Variants in HR observed in about 807,000 individuals in gnomAD.
The protein encoded by HR is lysine-specific demethylase hairless.
Under a neutral mutation model 128.6 loss-of-function variants are expected in HR, and 83 were observed. The observed-to-expected ratio is 0.65, with a 90% confidence interval of 0.54 to 0.77. HR has a LOEUF of 0.77. Ranked by LOEUF, HR falls within the 30% of genes least tolerant of loss-of-function variation. The pLI is 0.00. For synonymous variants in HR, 681 were observed against 658.2 expected, an observed-to-expected ratio of 1.03 and a Z score of -0.53; for missense variants, 1,490 against 1,574.6, an observed-to-expected ratio of 0.95 and a Z score of 0.91.
intron 6 of HR, 32 bp downstream of exon 6, chr8:22,123,617 T>TCTCCCCCCC: frequency 2.1e-5 from 6 of 292,092 alleles, no homozygotes; most frequent in Non-Finnish European, 3.1e-5. Context: ...GAGGGCTCCA[T>TCTCCCCCCC]CCCGCCCTCC....
Position 22,116,830 on chromosome 8 carries a change from T to C in HR, c.3378+45A>G. On this transcript the variant is annotated intron_variant, in intron 17 of 18. Coordinates refer to ENST00000381418, the MANE Select transcript of HR (RefSeq NM_005144.5). This position sits in a 1 kb window ranked among gnomAD's most constrained non-coding sequence, Gnocchi z 4.2. Reference sequence around the variant, plus strand: ...CCTGCGGCCTTGATTGGGTCGCTTCTGCCATCCTGATCTCCCCGCAGAGCC... The same window carrying C: ...CCTGCGGCCTTGATTGGGTCGCTTCCGCCATCCTGATCTCCCCGCAGAGCC... The C allele has an allele frequency of 6.5e-7, 1 of 1,549,926 alleles. No homozygotes were observed. Among genetic ancestry groups the C allele is most frequent in the South Asian group, 1.2e-5 (1 of 84,606 alleles).
intron 5 of HR, among the ~76,000 whole-genome samples, chr8:22,124,135 A>T (rs1291665519): frequency 1.3e-5 from 2 of 152,002 alleles, no homozygotes; most frequent in African/African-American, 4.8e-5. Context: ...AATCCACACC[A>T]CTTCTAGCAC....
chr8:22,123,194 C>T (rs1826799549), intron 6 of HR, among the ~76,000 whole-genome samples: 1 of 152,132 alleles, frequency 6.6e-6, no homozygotes, highest in Admixed American at 6.6e-5. Context: ...TCTCCCGTGG[C>T]CAACTTGAGC....
At chr8:22,126,948 A>G (rs1285903965) in intron 3 of HR, 89 bp downstream of exon 3, 1 of 1,353,200 alleles carries the variant, frequency 7.4e-7, no homozygotes, top group Non-Finnish European at 1.0e-6. Context: ...TGGTCCACTC[A>G]TAAAGCCTAC....
chr8:22,127,194 G>A lies in HR; in HGVS notation c.1248C>T (p.Ser416=). The part of the protein sequence containing the change: ...ARLRALKRAG[S]PEVQGAMGSP... ...TGCCCATTGCTCCCTGGACCTCGGGGCTGCCTGCCCTTTTGAGGGCCCGGA... is the reference window on the plus strand; with the variant it reads ...TGCCCATTGCTCCCTGGACCTCGGGACTGCCTGCCCTTTTGAGGGCCCGGA... The change falls in exon 3 of 19, where the codon AGC becomes AGT. Residue 416 remains serine, a synonymous_variant. Transcript: ENST00000381418. The A allele has an allele frequency of 1.2e-6, 2 of 1,612,936 alleles. No individual in the cohort carries two copies. Among genetic ancestry groups the A allele is most frequent in the African/African-American group, 1.3e-5 (1 of 75,074 alleles).
rs544001441 is a variant in HR, at chr8:22,121,673, G to A, written c.2143C>T (p.Pro715Ser). 8 of 1,614,142 alleles carry A rather than the reference G, an allele frequency of 5.0e-6. No homozygotes were observed. The African/African-American group carries it at 8.0e-5, about 16-fold the overall frequency. The change falls in exon 9 of 19, where the codon CCC becomes TCC. Residue 715 changes from proline (P) to serine (S), a missense_variant. Around this residue, in one of 3 missense-constraint regions of HR, gnomAD observed 1,060 missense variants for 1,060.9 expected, o/e 1.00. Coordinates refer to ENST00000381418, the MANE Select transcript of HR (RefSeq NM_005144.5). ...GQQKESTQKT[P>S]PTPQPSCNGD... is the part of the protein sequence containing the mutation. ...TTGCAGGAAGGTTGTGGAGTTGGGG[G>A]CGTTTTCTGTGTTGATTCCTTCTGT... is the stretch of plus-strand genomic sequence containing the variant.
intron 6 of HR, 57 bp from the exon 7 acceptor site, chr8:22,122,936 A>G (rs1238910544): frequency 1.4e-6 from 2 of 1,466,808 alleles, no homozygotes; most frequent in African/African-American, 2.8e-5. Flanking sequence ...TCACAGGTTA[A>G]GGTCAGAGAA....
chr8:22,116,491 T>A lies in HR; in HGVS notation c.3379-63A>T. On this transcript the variant is annotated intron_variant, in intron 17 of 18. Coordinates refer to ENST00000381418, the MANE Select transcript of HR (RefSeq NM_005144.5). This position sits in a 1 kb window ranked among gnomAD's most constrained non-coding sequence, Gnocchi z 4.2. ...ACACATCCTCTCCCTGTCCCCCTGGTCCCTGAGGTTCGCTTCCTCTAATGA... is the reference window on the plus strand; with the variant it reads ...ACACATCCTCTCCCTGTCCCCCTGGACCCTGAGGTTCGCTTCCTCTAATGA... The A allele has an allele frequency of 6.4e-7, 1 of 1,572,764 alleles. No individual in the cohort carries two copies. The highest frequency in any genetic ancestry group is 8.6e-7 in the Non-Finnish European group (1 of 1,159,086).
In HR at chr8:22,116,783, G is replaced by A. The variant is rs1405519562; in HGVS notation, c.3378+92C>T. 6 of 1,476,878 alleles carry A rather than the reference G, an allele frequency of 4.1e-6. No individual in the cohort carries two copies. The African/African-American group carries it at 8.4e-5, about 21-fold the overall frequency. The allele number at this position is 1,476,878 out of a possible 1,614,324, so 91.5% of individuals were successfully genotyped here. A position where few individuals can be genotyped will look rare whatever the true frequency, so the allele number is the denominator to read the frequency against. On this transcript the variant is annotated intron_variant, in intron 17 of 18. Coordinates refer to ENST00000381418, the MANE Select transcript of HR (RefSeq NM_005144.5). The surrounding 1 kb of genome is among the most constrained non-coding windows in gnomAD (Gnocchi z 4.2). ...GGCTCCCTGCCCTGCCCGGCTCTTGGGTATTGAGGGGATGTTGGATGCCTG... is the reference window on the plus strand; with the variant it reads ...GGCTCCCTGCCCTGCCCGGCTCTTGAGTATTGAGGGGATGTTGGATGCCTG...
chr8:22,115,727 G>A lies in HR; in HGVS notation c.3543C>T (p.Ala1181=), dbSNP rs372917956. The A allele has an allele frequency of 6.2e-6, 10 of 1,613,736 alleles. No individual in the cohort carries two copies. The highest frequency in any genetic ancestry group is 2.2e-5 in the East Asian group (1 of 44,864). The change falls in exon 19 of 19, where the codon GCC becomes GCT. Residue 1181 remains alanine, a synonymous_variant. Transcript: ENST00000381418. ...DWAVFQAVKV[A]VGTLQEAK ...ATTTGGCCTCCTGTAATGTCCCCAC[G>A]GCCACCTTCACTGCTTGGAACACAG... is the stretch of plus-strand genomic sequence containing the variant.
rs372139568 is a variant in HR, at chr8:22,127,810, G to A, written c.632C>T (p.Pro211Leu). ...LGSKGFYYKD[P>L]SIPRLAKEPL... ...CTCCTTTGCCAACCTGGGAATGCTC[G>A]GATCCTTGTAGTAAAAGCCCTAAAG... The change falls in exon 3 of 19, where the codon CCG becomes CTG. Residue 211 changes from proline to leucine, a missense_variant. Transcript: ENST00000381418. The A allele has an allele frequency of 9.4e-6, 15 of 1,598,732 alleles. No homozygotes were observed. Among genetic ancestry groups the A allele is most frequent in the South Asian group, 6.6e-5 (6 of 91,076 alleles).
At position 22,125,676 on chromosome 8, in the gene HR, G is replaced by A. The variant is rs1826871088; in HGVS notation, c.1462C>T (p.Leu488=). ...TGAGCCAGTTTTGCAGGGAGAGCCA[G>A]GCATGGTATGTCCTGAAGTCCCGGG... ...QDPGLQDIPC[L]ALPAKLAQCQ... The change falls in exon 4 of 19, where the codon CTG becomes TTG. Residue 488 remains leucine (L), a synonymous_variant. Transcript: ENST00000381418. 2 of 1,613,798 alleles carry A rather than the reference G, an allele frequency of 1.2e-6. No individual in the cohort carries two copies. The highest frequency in any genetic ancestry group is 2.7e-5 in the African/African-American group (2 of 74,940).
chr8:22,130,477 C>CAT lies in HR; in HGVS notation c.-91_-90insAT, dbSNP rs1827022487. ...CGCGGGCGGTGGCGGTCGTCGTGGC[C>CAT]GGCACCGGGCGCCTGCTCCCCATGG... On this transcript the variant is annotated 5_prime_UTR_variant, in exon 1 of 19. It adds an upstream start codon to the 5' untranslated region. Transcript: ENST00000381418. 6.6e-6 allele frequency: 1 copy of CAT among 152,176 alleles called. No homozygotes were observed. The allele number at this position is 152,176 out of a possible 1,614,324, so 9.4% of individuals were successfully genotyped here. A position where few individuals can be genotyped will look rare whatever the true frequency, so the allele number is the denominator to read the frequency against.
rs781087559 is a variant in HR at position 22,125,312 on chromosome 8, T to C, written c.1749A>G (p.Glu583=). The C allele has an allele frequency of 1.3e-6, 2 of 1,569,964 alleles. No individual in the cohort carries two copies. Among genetic ancestry groups the C allele is most frequent in the African/African-American group, 2.7e-5 (2 of 73,984 alleles). ...EREALAWAQR[E]GQGPAVTEDS... is the part of the protein sequence containing the mutation. ...GCAGACCCAGGAGGTCCTGTTCACC[T>C]TCCCGCTGGGCCCAAGCCAGGGCCT... Residue 583 remains glutamate, a splice_region_variant and synonymous_variant, in exon 5 of 19, where the codon GAA becomes GAG. Coordinates refer to ENST00000381418, the MANE Select transcript of HR (RefSeq NM_005144.5).
intron 7 of HR, 86 bp downstream of exon 7, chr8:22,122,704 G>T (rs1304616233): frequency 1.4e-6 from 2 of 1,479,836 alleles, no homozygotes; most frequent in Non-Finnish European, 1.8e-6. Flanking sequence ...GAAGGGCATG[G>T]CACTGGGGGG....
chr8:22,122,762 C>T, intron 7 of HR, 28 bp downstream of exon 7: 2 of 1,545,644 alleles, frequency 1.3e-6, no homozygotes, highest in Non-Finnish European at 1.7e-6. Context: ...CCAACCTCTG[C>T]ACGCCCCACC....
Position 22,119,964 on chromosome 8 carries a change from C to G in HR, c.2847-74G>C. ...GACCCCATCAAAGCCCCACCACCAC[C>G]GGGGTAACTCCCAGAGGGCAAACAT... On this transcript the variant is annotated intron_variant, in intron 13 of 18. Transcript: ENST00000381418. 2.5e-6 allele frequency: 4 copies of G among 1,607,164 alleles called. No homozygotes were observed. The South Asian group carries it at 4.4e-5, about 18-fold the overall frequency.
Position 22,116,950 on chromosome 8 carries a change from C to T in HR, c.3303G>A (p.Glu1101=), listed in dbSNP as rs995021838. 1.4e-5 allele frequency: 22 copies of T among 1,542,942 alleles called. No individual in the cohort carries two copies. Among genetic ancestry groups the T allele is most frequent in the Non-Finnish European group, 1.9e-5 (22 of 1,149,732 alleles). ...DAGLRRRLRE[E]WGVSCWTLLQ... is the part of the protein sequence containing the mutation. ...GCAGGGTCCAGCAGCTCACGCCCCA[C>T]TCCTCCCGCAGGCGCCGCCGCAGCC... Residue 1101 remains glutamate, a synonymous_variant, in exon 17 of 19, where the codon GAG becomes GAA. Transcript: ENST00000381418. The surrounding 1 kb of genome is among the most constrained non-coding windows in gnomAD (Gnocchi z 4.2).
At chr8:22,118,753 C>T (rs73549504) in intron 16 of HR, 197 bp downstream of exon 16, 6,243 of 603,984 alleles carry the variant, frequency 0.01, 208 homozygotes, top group African/African-American at 0.078. Context: ...GCAGCCCCTG[C>T]CCCTTCTCTG....
Sources: allele counts gnomAD v4.1 joint callset (sites outside exome capture counted in the v4.1 genomes callset), GRCh38; gene constraint gnomAD v4.1.1; regional missense constraint gnomAD v4.1.1; non-coding constraint Gnocchi (gnomAD v3.1); transcripts MANE v1.5; gene names NCBI Gene and HGNC (gene_info 2026-07-23, HGNC 2026-07-21).